Variants in RSPH6A observed in about 807,000 individuals in gnomAD.
RSPH6A encodes radial spoke head protein 6 homolog A.
A neutral mutation model predicts 66.1 loss-of-function variants in RSPH6A; 49 were observed. That is an observed-to-expected ratio of 0.74 (90% CI 0.59 to 0.94). The LOEUF (loss-of-function observed/expected upper bound fraction) is 0.94. Among genes scored for constraint, RSPH6A ranks in the 40% least tolerant of loss-of-function variants. The pLI, the probability that RSPH6A is intolerant of heterozygous loss-of-function variation, is 0.00. For synonymous variants in RSPH6A, 419 were observed against 402.4 expected (o/e 1.04, Z -0.49); for missense variants, 977 against 948.3 (o/e 1.03, Z -0.40).
At chr19:45,814,164 A>T (rs977322784) in intron 1 of RSPH6A, among the ~76,000 whole-genome samples, 5 of 151,786 alleles carry the variant, frequency 3.3e-5, no homozygotes, top group African/African-American at 7.3e-5. Flanking sequence ...GTCTGGGGGA[A>T]AAAAAAAGCA....
In RSPH6A at chr19:45,796,034, G is replaced by C; in HGVS notation, c.1989C>G (p.Ala663=). ...SPESFNPALP[A]PIQQEYPSGP... The stretch of plus-strand genomic sequence containing the variant: ...CACTGGGGTACTCTTGTTGAATGGG[G>C]GCTGGCAGGGCCGGGTTGAAGCTCT... The change falls in exon 6 of 6, where the codon GCC becomes GCG. Residue 663 remains alanine (A), a synonymous_variant. Transcript: ENST00000221538. The C allele has an allele frequency of 6.2e-7, 1 of 1,613,732 alleles. No homozygotes were observed. The highest frequency in any genetic ancestry group is 8.5e-7 in the Non-Finnish European group (1 of 1,179,780).
In RSPH6A at chr19:45,795,879, G is replaced by GTCTCCTCGCCCTCCTCCT; in HGVS notation, c.2126_2143dup (p.Glu714_Thr715insLysGluGluGlyGluGlu). On this transcript the variant is annotated inframe_insertion, in exon 6 of 6. Transcript: ENST00000221538. ...GCTAGAGGGTGGGCCTCAGTCATCT[G>GTCTCCTCGCCCTCCTCCT]TCTCCTCGCCCTCCTCCTCCTCCTC... The GTCTCCTCGCCCTCCTCCT allele has an allele frequency of 7.9e-7, 1 of 1,272,782 alleles. No individual in the cohort carries two copies. The highest frequency in any genetic ancestry group is 1.0e-6 in the Non-Finnish European group (1 of 955,172). The allele number at this position is 1,272,782 out of a possible 1,614,324, so 78.8% of individuals were successfully genotyped here.
chr19:45,805,623 C>T (rs1199741904), intron 2 of RSPH6A, among the ~76,000 whole-genome samples: 5 of 151,924 alleles, frequency 3.3e-5, no homozygotes, highest in African/African-American at 4.8e-5. Context: ...ACCTGAGAGG[C>T]GGAGGTTGCA....
In RSPH6A at chr19:45,799,106, T is replaced by C. The variant is rs191408211; in HGVS notation, c.1916+1340A>G. Among the ~76,000 whole-genome samples the C allele has an allele frequency of 2.9e-3, 440 of 152,332 alleles. 2 individuals carry two copies. The highest frequency in any genetic ancestry group is 9.9e-3 in the African/African-American group (411 of 41,572). ...CCAGGAATGTGTTAAAGTATCCAGATTACATGCAATCCCACCACGGCTGTG... is the reference window on the plus strand; with the variant it reads ...CCAGGAATGTGTTAAAGTATCCAGACTACATGCAATCCCACCACGGCTGTG... On this transcript the variant is annotated intron_variant, in intron 5 of 5. Transcript: ENST00000221538.
intron 1 of RSPH6A, among the ~76,000 whole-genome samples, chr19:45,812,410 G>A (rs56892932): frequency 0.066 from 9,961 of 152,028 alleles, 475 homozygotes; most frequent in African/African-American, 0.11. Context: ...TTGAAACCAA[G>A]TTGGTCTGAT....
intron 2 of RSPH6A, among the ~76,000 whole-genome samples, chr19:45,806,335 G>A (rs1970542686): frequency 6.6e-6 from 1 of 151,926 alleles, no homozygotes. Flanking sequence ...GAAAGACAGA[G>A]GCTCAGAAAG....
chr19:45,806,624 T>C (rs1407031699), intron 2 of RSPH6A, among the ~76,000 whole-genome samples: 3 of 119,876 alleles, frequency 2.5e-5, no homozygotes, highest in Non-Finnish European at 1.6e-5. Flanking sequence ...TGAGTGGAGA[T>C]TGCACCACTG....
chr19:45,802,071 T>C, intron 4 of RSPH6A, 49 bp downstream of exon 4: 1 of 1,350,832 alleles, frequency 7.4e-7, no homozygotes, highest in Non-Finnish European at 9.6e-7. Flanking sequence ...CTCCCTTTCT[T>C]CCCAGCCCTC....
chr19:45,800,673 G>A, intron 4 of RSPH6A, 110 bp from the exon 5 acceptor site: 1 of 870,616 alleles, frequency 1.1e-6, no homozygotes, highest in Non-Finnish European at 1.7e-6. Flanking sequence ...GGAGGGGCAT[G>A]AGGGGAACTA....
At chr19:45,807,440 C>T (rs1450894157) in intron 2 of RSPH6A, among the ~76,000 whole-genome samples, 1 of 151,940 alleles carries the variant, frequency 6.6e-6, no homozygotes, top group Non-Finnish European at 1.5e-5. Flanking sequence ...TGGTCTTGAT[C>T]TCCTGATCTT....
intron 5 of RSPH6A, among the ~76,000 whole-genome samples, chr19:45,798,027 G>A (rs1366875048): frequency 6.6e-6 from 1 of 152,080 alleles, no homozygotes; most frequent in Non-Finnish European, 1.5e-5. Context: ...GAAAGGGAGG[G>A]GACTAAGAGG....
chr19:45,812,433 A>G (rs1364986125), intron 1 of RSPH6A, among the ~76,000 whole-genome samples: 7 of 151,868 alleles, frequency 4.6e-5, no homozygotes, highest in Non-Finnish European at 1.5e-5. Context: ...CCAAGCATGT[A>G]TGTGTCACCT....
rs1970609774 is a variant in RSPH6A, at chr19:45,810,503, A to G, written c.888+100T>C. On this transcript the variant is annotated intron_variant, in intron 2 of 5. Transcript: ENST00000221538. ...AGTTGTTTTGTGACTGGATTGTGCA[A>G]TGCTGTCTTTCGCCTCCAGGCCTTG... The G allele has an allele frequency of 5.4e-6, 6 of 1,115,126 alleles. No individual in the cohort carries two copies. The Admixed American group carries it at 7.3e-5, about 14-fold the overall frequency. The allele number at this position is 1,115,126 out of a possible 1,614,324, so 69.1% of individuals were successfully genotyped here. A position where few individuals can be genotyped will look rare whatever the true frequency, so the allele number is the denominator to read the frequency against.
chr19:45,802,251 C>CA lies in RSPH6A; in HGVS notation c.1666dup (p.Trp556LeufsTer23), dbSNP rs755683825. On this transcript the variant is annotated frameshift_variant, in exon 4 of 6. Coordinates refer to ENST00000221538, the MANE Select transcript of RSPH6A (RefSeq NM_030785.4). LOFTEE classifies it high-confidence loss of function. Reference sequence around the variant, plus strand: ...CTCTGTCTTCTGCAAAGGGTTCACCCAAGTGCAGCGGCCCTGGGGGTGGGG... The same window carrying CA: ...CTCTGTCTTCTGCAAAGGGTTCACCCAAAGTGCAGCGGCCCTGGGGGTGGGG... 2 of 1,451,988 alleles carry CA rather than the reference C, an allele frequency of 1.4e-6. No homozygotes were observed. The highest frequency in any genetic ancestry group is 1.8e-6 in the Non-Finnish European group (2 of 1,087,762). 89.9% of individuals were successfully genotyped at this position (1,451,988 alleles called of 1,614,324 possible). A position where few individuals can be genotyped will look rare whatever the true frequency, so the allele number is the denominator to read the frequency against.
In RSPH6A at chr19:45,813,591, C is replaced by A. The variant is rs1168729526; in HGVS notation, c.650+936G>T. ...AACTCCTGACCTCAGGTGATCCGCCCGTCTTGGCCTCCTCAAGTGCTGGGA... is the reference window on the plus strand; with the variant it reads ...AACTCCTGACCTCAGGTGATCCGCCAGTCTTGGCCTCCTCAAGTGCTGGGA... On this transcript the variant is annotated intron_variant, in intron 1 of 5. Transcript: ENST00000221538. Among the ~76,000 whole-genome samples the A allele has an allele frequency of 2.0e-5, 3 of 152,304 alleles. No homozygotes were observed. The East Asian group carries it at 5.8e-4, about 30-fold the overall frequency.
In RSPH6A at chr19:45,814,582, CG is replaced by C; in HGVS notation, c.594del (p.Val199CysfsTer24). ...AGCAGGTAGGCCTTGGCGTTCTGCA[CG>C]GCCAGCTCCAGAGGCTCGGGCTCAG... ...QVPEPEPLEL[A>X]VQNAKAYLLQ... On this transcript the variant is annotated frameshift_variant, in exon 1 of 6. Transcript: ENST00000221538. LOFTEE classifies it high-confidence loss of function. 6.5e-7 allele frequency: 1 copy of C among 1,548,724 alleles called. No homozygotes were observed. The highest frequency in any genetic ancestry group is 8.7e-7 in the Non-Finnish European group (1 of 1,149,620).
chr19:45,810,773 G>A lies in RSPH6A; in HGVS notation c.718C>T (p.Leu240=). ...NQRPEDPLSV[L]ESLNRTTQWE... ...TGCGTGGTGCGGTTCAGAGACTCCA[G>A]GACAGACAAGGGGTCCTCAGGCCGC... Residue 240 remains leucine, a synonymous_variant, in exon 2 of 6, where the codon CTG becomes TTG. Coordinates refer to ENST00000221538, the MANE Select transcript of RSPH6A (RefSeq NM_030785.4). The A allele has an allele frequency of 6.2e-7, 1 of 1,614,098 alleles. No individual in the cohort carries two copies. The highest frequency in any genetic ancestry group is 8.5e-7 in the Non-Finnish European group (1 of 1,179,988).
At chr19:45,796,399 G>A (rs748069098) in intron 5 of RSPH6A, among the ~76,000 whole-genome samples, 3 of 151,220 alleles carry the variant, frequency 2.0e-5, no homozygotes, top group East Asian at 2.0e-4. Flanking sequence ...TGATCTGCCC[G>A]CCTCGGCCTC....
At chr19:45,805,329 G>T (rs986404044) in intron 2 of RSPH6A, among the ~76,000 whole-genome samples, 1 of 152,044 alleles carries the variant, frequency 6.6e-6, no homozygotes, top group Non-Finnish European at 1.5e-5. Flanking sequence ...CCGGGGAGGC[G>T]GAGGTTGCAG....
Sources: allele counts gnomAD v4.1 joint callset (sites outside exome capture counted in the v4.1 genomes callset), GRCh38; gene constraint gnomAD v4.1.1; transcripts MANE v1.5; gene names NCBI Gene and HGNC (gene_info 2026-07-23, HGNC 2026-07-21).